Variants in LAMA3 observed in about 807,000 individuals in gnomAD.
The protein encoded by LAMA3 is laminin subunit alpha 3.
In LAMA3, 281 loss-of-function variants were observed where a neutral mutation model predicts 402.0. The observed-to-expected ratio is 0.70, with a 90% confidence interval of 0.63 to 0.77. LAMA3 has a LOEUF of 0.77. LAMA3 is among the 30% of genes least tolerant of loss of function. LAMA3 has a pLI of 0.00. For synonymous variants in LAMA3, 1,431 were observed against 1,558.4 expected, an observed-to-expected ratio of 0.92 and a Z score of 1.93; for missense variants, 3,840 against 4,215.5, an observed-to-expected ratio of 0.91 and a Z score of 2.47.
intron 41 of LAMA3, among the ~76,000 whole-genome samples, chr18:23,886,557 A>G (rs1441269542): frequency 2.6e-5 from 4 of 152,070 alleles, no homozygotes; most frequent in African/African-American, 4.8e-5. Flanking sequence ...TAGGAGAACC[A>G]TATGAACCCA....
intron 11 of LAMA3, among the ~76,000 whole-genome samples, chr18:23,783,130 T>C (rs530012582): frequency 2.6e-4 from 40 of 152,240 alleles, no homozygotes; most frequent in Middle Eastern, 6.8e-3. Context: ...CTTTGTGGCC[T>C]TTTGTCCTCA....
chr18:23,692,451 T>C (rs2060608681), intron 1 of LAMA3, among the ~76,000 whole-genome samples: 1 of 152,120 alleles, frequency 6.6e-6, no homozygotes, highest in Non-Finnish European at 1.5e-5. Context: ...TTTGTATTTT[T>C]AGTAGAGACG....
chr18:23,857,768 C>A, intron 32 of LAMA3, 76 bp from the exon 33 acceptor site: 1 of 1,580,240 alleles, frequency 6.3e-7, no homozygotes, highest in Non-Finnish European at 8.7e-7. Flanking sequence ...CCAATTAGTC[C>A]ACTATAGTGT....
At chr18:23,717,214 T>G (rs150151918) in intron 2 of LAMA3, among the ~76,000 whole-genome samples, 1 of 152,206 alleles carries the variant, frequency 6.6e-6, no homozygotes, top group Admixed American at 6.5e-5. Flanking sequence ...ATTGGTAAGA[T>G]CTGTGTTTTC....
intron 27 of LAMA3, 115 bp downstream of exon 27, chr18:23,840,044 C>G: frequency 8.7e-7 from 1 of 1,143,958 alleles, no homozygotes; most frequent in Non-Finnish European, 1.3e-6. Context: ...TACAGACCTA[C>G]TGAGTTGGAA....
intron 42 of LAMA3, among the ~76,000 whole-genome samples, chr18:23,893,310 T>C (rs1014335370): frequency 6.6e-6 from 1 of 152,092 alleles, no homozygotes; most frequent in African/African-American, 2.4e-5. Flanking sequence ...AAACAGTACA[T>C]GTGGAAGGGG....
At chr18:23,806,335 C>T (rs2062962101) in intron 12 of LAMA3, among the ~76,000 whole-genome samples, 1 of 152,136 alleles carries the variant, frequency 6.6e-6, no homozygotes, top group African/African-American at 2.4e-5. Flanking sequence ...TCATTTAGTT[C>T]TTTTGAAGTG....
intron 6 of LAMA3, among the ~76,000 whole-genome samples, chr18:23,756,683 C>T (rs530574715): frequency 5.1e-4 from 78 of 152,248 alleles, no homozygotes; most frequent in Non-Finnish European, 8.7e-4. Context: ...AAAGGGGCTC[C>T]AAAACTGAGA....
chr18:23,803,313 G>A (rs933775185), intron 12 of LAMA3, among the ~76,000 whole-genome samples: 32 of 152,246 alleles, frequency 2.1e-4, no homozygotes, highest in Middle Eastern at 6.8e-3. Context: ...TCTGCTGCTC[G>A]CAGACTGGGA....
chr18:23,936,536 G>A (rs2082320641), intron 67 of LAMA3, among the ~76,000 whole-genome samples: 1 of 151,932 alleles, frequency 6.6e-6, no homozygotes, highest in African/African-American at 2.4e-5. Flanking sequence ...AGCGAAGGGT[G>A]GGGATTCACC....
At chr18:23,813,560 T>A (rs2063117849) in intron 14 of LAMA3, among the ~76,000 whole-genome samples, 1 of 146,424 alleles carries the variant, frequency 6.8e-6, no homozygotes, top group East Asian at 2.0e-4. Flanking sequence ...TTTCTTTTTT[T>A]TTTTTTTTTT....
chr18:23,833,698 C>T (rs562768430), intron 23 of LAMA3, 130 bp from the exon 24 acceptor site: 1 of 975,078 alleles, frequency 1.0e-6, no homozygotes, highest in South Asian at 1.3e-5. Flanking sequence ...GGACCATATT[C>T]CTTACTGGGA....
intron 20 of LAMA3, among the ~76,000 whole-genome samples, chr18:23,823,382 A>G (rs2063324346): frequency 6.6e-6 from 1 of 152,226 alleles, no homozygotes; most frequent in Non-Finnish European, 1.5e-5. Context: ...TGACAATAAC[A>G]GCAGCAGTTT....
chr18:23,818,019 G>T (rs995282318), intron 18 of LAMA3, among the ~76,000 whole-genome samples: 10 of 152,096 alleles, frequency 6.6e-5, no homozygotes, highest in Non-Finnish European at 1.2e-4. Flanking sequence ...GCCAGGCATG[G>T]TGGCGCACAC....
chr18:23,721,421 T>G (rs750460699), intron 2 of LAMA3, among the ~76,000 whole-genome samples: 1 of 152,156 alleles, frequency 6.6e-6, no homozygotes, highest in Non-Finnish European at 1.5e-5. Context: ...TCATCTTTAT[T>G]CTAACCAGCC....
rs886053681 is a variant in LAMA3, at chr18:23,955,000, A to G, written c.*352A>G. The G allele has an allele frequency of 2.6e-4, 76 of 292,562 alleles. No individual in the cohort carries two copies. Among genetic ancestry groups the G allele is most frequent in the Middle Eastern group, 1.2e-3 (1 of 868 alleles). The allele number at this position is 292,562 out of a possible 1,614,324, so 18.1% of individuals were successfully genotyped here. ...ATATATTTTAAAGCACTTTAAGAAT[A>G]TGAAACTTTCATATATGTTAAAGGA... On this transcript the variant is annotated 3_prime_UTR_variant, in exon 75 of 75. Coordinates refer to ENST00000313654, the MANE Select transcript of LAMA3 (RefSeq NM_198129.4).
chr18:23,848,741 G>A (rs938662101), intron 32 of LAMA3, among the ~76,000 whole-genome samples: 5 of 152,154 alleles, frequency 3.3e-5, no homozygotes, highest in Non-Finnish European at 4.4e-5. Flanking sequence ...CACAAACAAC[G>A]CTAAAATAAC....
chr18:23,913,201 T>C (rs775118884), intron 56 of LAMA3, among the ~76,000 whole-genome samples: 8 of 152,128 alleles, frequency 5.3e-5, no homozygotes, highest in Non-Finnish European at 7.4e-5. Flanking sequence ...TACTACCAAG[T>C]TGTATGATTG....
At chr18:23,935,557 TC>T (rs2082288912) in intron 67 of LAMA3, among the ~76,000 whole-genome samples, 1 of 152,132 alleles carries the variant, frequency 6.6e-6, no homozygotes, top group African/African-American at 2.4e-5. Flanking sequence ...GACTCTGGAG[TC>T]AGACTTCCTG....
Sources: allele counts gnomAD v4.1 joint callset (sites outside exome capture counted in the v4.1 genomes callset), GRCh38; gene constraint gnomAD v4.1.1; transcripts MANE v1.5; gene names NCBI Gene and HGNC (gene_info 2026-07-23, HGNC 2026-07-21).